RAPGEF5: variants seen among roughly 807,000 people sequenced by gnomAD.
The protein encoded by RAPGEF5 is M-Ras-regulated GEF.
In RAPGEF5, 65 loss-of-function variants were observed where a neutral mutation model predicts 125.2. The observed-to-expected ratio is 0.52, with a 90% CI of 0.43 to 0.64. RAPGEF5 has a LOEUF of 0.64. Among genes scored for constraint, RAPGEF5 ranks in the 30% least tolerant of loss-of-function variants. RAPGEF5 has a pLI of 0.00. For synonymous variants in RAPGEF5, 391 were observed against 385.9 expected (o/e 1.01, Z -0.16); for missense variants, 958 against 1,048.1 (o/e 0.91, Z 1.19).
chr7:22,134,865 T>A (rs3807534), intron 23 of RAPGEF5, among the ~76,000 whole-genome samples: 82,300 of 152,068 alleles, frequency 0.54, 22,436 homozygotes, highest in African/African-American at 0.61. Context: ...TTTCACGCAT[T>A]TGTATTTAAC....
intron 7 of RAPGEF5, among the ~76,000 whole-genome samples, chr7:22,263,622 A>G (rs1381263510): frequency 6.6e-6 from 1 of 151,878 alleles, no homozygotes; most frequent in Non-Finnish European, 1.5e-5. Flanking sequence ...CCCAGCTACT[A>G]GGGAGGCTGA....
At chr7:22,313,569 C>T (rs945759622) in intron 3 of RAPGEF5, among the ~76,000 whole-genome samples, 2 of 152,188 alleles carry the variant, frequency 1.3e-5, no homozygotes, top group African/African-American at 2.4e-5. Flanking sequence ...CCGTTAAACC[C>T]TAAATCTGTT....
intron 1 of RAPGEF5, among the ~76,000 whole-genome samples, chr7:22,344,114 T>G (rs986625620): frequency 2.6e-5 from 4 of 152,158 alleles, no homozygotes; most frequent in African/African-American, 9.7e-5. Context: ...AGCATCACTT[T>G]CAAGGCCAGG....
intron 6 of RAPGEF5, among the ~76,000 whole-genome samples, chr7:22,285,315 C>T (rs1323068915): frequency 6.6e-6 from 1 of 152,152 alleles, no homozygotes; most frequent in Non-Finnish European, 1.5e-5. Context: ...TGGTCAGGAC[C>T]ATCTGTATTC....
chr7:22,138,006 T>TACACACACACACACAC (rs57116603), intron 21 of RAPGEF5, among the ~76,000 whole-genome samples: 1 of 148,446 alleles, frequency 6.7e-6, no homozygotes, highest in African/African-American at 2.5e-5. Context: ...GTTTGGAAAC[T>TACACACACACACACAC]ACACACACAC....
chr7:22,329,780 A>G (rs565736442), intron 1 of RAPGEF5, among the ~76,000 whole-genome samples: 7 of 152,136 alleles, frequency 4.6e-5, no homozygotes, highest in Non-Finnish European at 1.0e-4. Flanking sequence ...TCCGAAGGCA[A>G]TGGGTGGATG....
intron 7 of RAPGEF5, among the ~76,000 whole-genome samples, chr7:22,261,801 A>G (rs558752696): frequency 2.2e-4 from 33 of 152,152 alleles, no homozygotes; most frequent in Non-Finnish European, 4.4e-4. Context: ...GTGCAAAAGG[A>G]AAGATGGTCT....
intron 11 of RAPGEF5, among the ~76,000 whole-genome samples, chr7:22,185,290 T>C (rs1020816812): frequency 3.9e-5 from 6 of 152,304 alleles, no homozygotes; most frequent in African/African-American, 1.4e-4. Context: ...AAAGGATCCA[T>C]CTAATGGGAC....
chr7:22,335,702 A>C (rs1199735448), intron 1 of RAPGEF5, among the ~76,000 whole-genome samples: 9 of 102,550 alleles, frequency 8.8e-5, no homozygotes, highest in South Asian at 5.7e-4. Context: ...AAAAAAAAAA[A>C]AACAACAAAA....
intron 1 of RAPGEF5, among the ~76,000 whole-genome samples, chr7:22,342,951 G>A (rs963679645): frequency 2.6e-5 from 4 of 152,246 alleles, no homozygotes; most frequent in South Asian, 2.1e-4. Flanking sequence ...TTCCAAAGTC[G>A]CTTCCACATT....
At chr7:22,290,155 C>T (rs1782895454) in intron 6 of RAPGEF5, among the ~76,000 whole-genome samples, 1 of 152,196 alleles carries the variant, frequency 6.6e-6, no homozygotes, top group Non-Finnish European at 1.5e-5. Context: ...GTTGACAAGA[C>T]CTAGTGTATA....
At chr7:22,256,760 T>G (rs148866888) in intron 7 of RAPGEF5, among the ~76,000 whole-genome samples, 215 of 152,274 alleles carry the variant, frequency 1.4e-3, no homozygotes, top group African/African-American at 4.5e-3. Flanking sequence ...AAAAGGGAAG[T>G]AACACATCTC....
intron 9 of RAPGEF5, among the ~76,000 whole-genome samples, chr7:22,195,886 C>T (rs1003308086): frequency 2.6e-5 from 4 of 152,184 alleles, no homozygotes; most frequent in Non-Finnish European, 4.4e-5. Context: ...TTTATATGAG[C>T]TTGCTGTCAT....
At chr7:22,307,369 T>C (rs112610503) in intron 5 of RAPGEF5, among the ~76,000 whole-genome samples, 2,578 of 152,260 alleles carry the variant, frequency 0.017, 66 homozygotes, top group African/African-American at 0.059. Flanking sequence ...TACTGTTTTT[T>C]CTATTTCTTC....
At chr7:22,291,082 T>A (rs933039565) in intron 6 of RAPGEF5, 93 bp downstream of exon 6, 18 of 1,369,320 alleles carry the variant, frequency 1.3e-5, no homozygotes, top group South Asian at 8.0e-5. Context: ...ACAGGGAAAA[T>A]GTCTCTCTAC....
At chr7:22,222,293 A>C (rs1785811491) in intron 8 of RAPGEF5, among the ~76,000 whole-genome samples, 1 of 152,208 alleles carries the variant, frequency 6.6e-6, no homozygotes, top group African/African-American at 2.4e-5. Context: ...TTCATGATGT[A>C]ACATACCAAT....
At chr7:22,226,910 G>A (rs1312724472) in intron 8 of RAPGEF5, among the ~76,000 whole-genome samples, 2 of 152,064 alleles carry the variant, frequency 1.3e-5, no homozygotes, top group East Asian at 1.9e-4. Flanking sequence ...TAGGAATAAG[G>A]CAGAAACCAC....
chr7:22,122,542 A>G (rs1464215225), intron 25 of RAPGEF5, 21 bp from the exon 26 acceptor site: 3 of 1,552,848 alleles, frequency 1.9e-6, no homozygotes, highest in Non-Finnish European at 2.7e-6. Flanking sequence ...GAGGGGGAAA[A>G]AAGACAATCT....
intron 2 of RAPGEF5, among the ~76,000 whole-genome samples, chr7:22,316,489 AT>A (rs1174593478): frequency 3.4e-4 from 17 of 50,644 alleles, no homozygotes; most frequent in South Asian, 2.8e-3. Flanking sequence ...ATATATATAT[AT>A]TTTTTTTTTT....
Sources: allele counts gnomAD v4.1 joint callset (sites outside exome capture counted in the v4.1 genomes callset), GRCh38; gene constraint gnomAD v4.1.1; transcripts MANE v1.5; gene names NCBI Gene and HGNC (gene_info 2026-07-23, HGNC 2026-07-21).